KCNMA1: variants seen among roughly 807,000 people sequenced by gnomAD.
The protein encoded by KCNMA1 is potassium calcium-activated channel subfamily M alpha 1, also known as Calcium-activated potassium channel subunit alpha-1.
In KCNMA1, 29 loss-of-function variants were observed where a neutral mutation model predicts 140.0. That is an observed-to-expected ratio of 0.21 (90% confidence interval 0.15 to 0.28). The LOEUF (loss-of-function observed/expected upper bound fraction) is 0.28, where lower values mean the gene tolerates loss of function less well. Ranked by LOEUF, KCNMA1 falls within the 10% of genes least tolerant of loss-of-function variation. The pLI, the probability that KCNMA1 is intolerant of heterozygous loss-of-function variation, is 1.00. For missense variants in KCNMA1, 880 were observed against 1,602.2 expected (o/e 0.55, Z 7.70); for synonymous variants, 612 against 611.9 (o/e 1.00, Z 0.00).
intron 1 of KCNMA1, among the ~76,000 whole-genome samples, chr10:77,558,493 G>A (rs2065298203): frequency 6.6e-6 from 1 of 152,194 alleles, no homozygotes; most frequent in Non-Finnish European, 1.5e-5. Context: ...GCACTGGGAT[G>A]TCGGGGGTGG....
intron 1 of KCNMA1, chr10:77,636,323 C>G: frequency 6.6e-7 from 1 of 1,519,478 alleles, no homozygotes; most frequent in Non-Finnish European, 8.8e-7. Flanking sequence ...GGCAGTGAGC[C>G]TAGCAACCAT....
At chr10:77,282,818 G>A (rs1049912574) in intron 2 of KCNMA1, among the ~76,000 whole-genome samples, 12 of 152,050 alleles carry the variant, frequency 7.9e-5, no homozygotes, top group African/African-American at 2.7e-4. Context: ...AAATTCAGCC[G>A]GGGCAACATA....
At chr10:77,007,653 G>GTATATATGTATATATATATA (rs1555100474) in intron 18 of KCNMA1, among the ~76,000 whole-genome samples, 3 of 88,482 alleles carry the variant, frequency 3.4e-5, no homozygotes, top group Non-Finnish European at 7.0e-5. Context: ...TTGTGTGTGT[G>GTATATATGTATATATATATA]TATATATATA....
At chr10:77,126,735 C>CCCCCCCCCCCCCCCCCCA (rs1554849516) in intron 5 of KCNMA1, among the ~76,000 whole-genome samples, 1 of 144,008 alleles carries the variant, frequency 6.9e-6, no homozygotes. Flanking sequence ...ACCCCCCCCC[C>CCCCCCCCCCCCCCCCCCA]ACCACCACAC....
intron 1 of KCNMA1, among the ~76,000 whole-genome samples, chr10:77,520,215 GGGT>G (rs2052720569): frequency 3.3e-5 from 5 of 150,668 alleles, no homozygotes; most frequent in East Asian, 1.9e-4. Context: ...GTGAGGTCTG[GGGT>G]ATGCAGTGTG....
At chr10:77,589,698 C>A (rs1186394817) in intron 1 of KCNMA1, among the ~76,000 whole-genome samples, 2 of 152,096 alleles carry the variant, frequency 1.3e-5, no homozygotes, top group Admixed American at 6.5e-5. Flanking sequence ...TTCGGAGTTT[C>A]TTCCTTCTGG....
chr10:77,019,326 G>T, intron 16 of KCNMA1: 1 of 545,474 alleles, frequency 1.8e-6, no homozygotes, highest in Non-Finnish European at 3.3e-6. Flanking sequence ...GCTCCCAGTT[G>T]AGGAAATCAA....
At position 76,952,220 on chromosome 10, in the gene KCNMA1, C is replaced by T; in HGVS notation, c.2484+1581G>A. 3.3e-6 allele frequency: 5 copies of T among 1,530,878 alleles called. No homozygotes were observed. The South Asian group carries it at 3.7e-5, about 11-fold the overall frequency. The allele number at this position is 1,530,878 out of a possible 1,614,324, so 94.8% of individuals were successfully genotyped here. A position where few individuals can be genotyped will look rare whatever the true frequency, so the allele number is the denominator to read the frequency against. On this transcript the variant is annotated intron_variant, in intron 21 of 27. Transcript: ENST00000286628. ...CACCAGGGCAAAAGTGCCATGAATA[C>T]ATCAGAATGTACATATATGGCTGGG...
chr10:77,227,987 G>A (rs1024443502), intron 3 of KCNMA1, among the ~76,000 whole-genome samples: 4 of 133,696 alleles, frequency 3.0e-5, no homozygotes, highest in South Asian at 2.3e-4. Context: ...TTTTTGAGAC[G>A]GAGTTTTGTT....
At chr10:77,457,472 C>G (rs2097779944) in intron 1 of KCNMA1, among the ~76,000 whole-genome samples, 1 of 152,120 alleles carries the variant, frequency 6.6e-6, no homozygotes, top group Non-Finnish European at 1.5e-5. Flanking sequence ...TTCTGTAGTT[C>G]CAGCATCCGC....
intron 1 of KCNMA1, among the ~76,000 whole-genome samples, chr10:77,404,692 C>T (rs1603478388): frequency 6.6e-6 from 1 of 152,166 alleles, no homozygotes; most frequent in South Asian, 2.1e-4. Flanking sequence ...CCCCTTTTCA[C>T]AGCAGCACCC....
intron 1 of KCNMA1, among the ~76,000 whole-genome samples, chr10:77,439,534 T>C (rs1360726996): frequency 6.6e-6 from 1 of 152,048 alleles, no homozygotes; most frequent in Non-Finnish European, 1.5e-5. Flanking sequence ...CTCTGATTTC[T>C]CCCCTGGCTC....
chr10:77,279,019 C>CT (rs1047941062), intron 2 of KCNMA1, among the ~76,000 whole-genome samples: 48 of 152,068 alleles, frequency 3.2e-4, no homozygotes, highest in African/African-American at 9.2e-4. Context: ...TGTTTCCACA[C>CT]TTTTTTTTGT....
chr10:77,102,372 G>C (rs767565573), intron 9 of KCNMA1, among the ~76,000 whole-genome samples: 16 of 152,210 alleles, frequency 1.1e-4, no homozygotes, highest in Non-Finnish European at 1.9e-4. Context: ...CAGGCAGGAG[G>C]GAATAGTGTG....
intron 2 of KCNMA1, among the ~76,000 whole-genome samples, chr10:77,358,847 C>T (rs1372359466): frequency 4.6e-5 from 7 of 152,204 alleles, no homozygotes; most frequent in Non-Finnish European, 1.0e-4. Flanking sequence ...TGAATCCGTG[C>T]CTGGTTCTTC....
intron 1 of KCNMA1, among the ~76,000 whole-genome samples, chr10:77,619,579 C>T (rs1455819569): frequency 3.3e-5 from 5 of 152,216 alleles, no homozygotes; most frequent in African/African-American, 9.6e-5. Context: ...CGTGAGGAGT[C>T]GTGGTTCACT....
At chr10:77,604,242 T>G (rs1055276982) in intron 1 of KCNMA1, among the ~76,000 whole-genome samples, 1 of 152,186 alleles carries the variant, frequency 6.6e-6, no homozygotes, top group Non-Finnish European at 1.5e-5. Flanking sequence ...CCTAAGCCCA[T>G]GGCTTTCACT....
intron 5 of KCNMA1, among the ~76,000 whole-genome samples, chr10:77,151,604 A>T (rs2098419607): frequency 1.3e-5 from 2 of 152,138 alleles, no homozygotes; most frequent in Non-Finnish European, 2.9e-5. Flanking sequence ...TCCCTCCTGT[A>T]AGCTTCTTAT....
At chr10:77,335,081 A>G (rs2088327314) in intron 2 of KCNMA1, among the ~76,000 whole-genome samples, 1 of 152,180 alleles carries the variant, frequency 6.6e-6, no homozygotes, top group South Asian at 2.1e-4. Flanking sequence ...CAGCAGGCAC[A>G]GGAGTGTGGA....
Sources: allele counts gnomAD v4.1 joint callset (sites outside exome capture counted in the v4.1 genomes callset), GRCh38; gene constraint gnomAD v4.1.1; transcripts MANE v1.5; gene names NCBI Gene and HGNC (gene_info 2026-07-23, HGNC 2026-07-21).